Variants in MARCHF1 observed in about 807,000 individuals in gnomAD.
MARCHF1 encodes the protein membrane associated ring-CH-type finger 1.
A neutral mutation model predicts 54.2 loss-of-function variants in MARCHF1; 40 were observed. The ratio of observed to expected loss-of-function variants is 0.74; its 90% CI spans 0.57 to 0.96. MARCHF1 has a LOEUF of 0.96. MARCHF1 is among the 40% of genes least tolerant of loss of function. The pLI, the probability that MARCHF1 is intolerant of heterozygous loss-of-function variation, is 0.00. For synonymous variants in MARCHF1, 236 were observed against 236.3 expected (o/e 1.00, Z 0.01); for missense variants, 586 against 656.5 (o/e 0.89, Z 1.17).
At chr4:164,133,108 A>C (rs1004585063) in intron 1 of MARCHF1, among the ~76,000 whole-genome samples, 4 of 152,130 alleles carry the variant, frequency 2.6e-5, no homozygotes, top group Non-Finnish European at 4.4e-5. Context: ...AAATTATCTG[A>C]CTGGTGTATT....
intron 1 of MARCHF1, among the ~76,000 whole-genome samples, chr4:164,174,024 A>T (rs1257686074): frequency 6.6e-6 from 1 of 152,238 alleles, no homozygotes; most frequent in Admixed American, 6.5e-5. Context: ...GTCTCACACT[A>T]TAAGGTCAAC....
intron 1 of MARCHF1, among the ~76,000 whole-genome samples, chr4:164,353,786 G>A (rs1357912784): frequency 6.9e-5 from 9 of 131,062 alleles, no homozygotes; most frequent in African/African-American, 1.2e-4. Context: ...AGGAAATAGA[G>A]ACACAAAAAA....
At chr4:164,115,912 C>G (rs1248702913) in intron 1 of MARCHF1, among the ~76,000 whole-genome samples, 2 of 151,988 alleles carry the variant, frequency 1.3e-5, no homozygotes, top group African/African-American at 4.8e-5. Context: ...GTAGAAGGTA[C>G]ATAAAAGACA....
intron 1 of MARCHF1, among the ~76,000 whole-genome samples, chr4:164,199,202 T>G (rs1177737527): frequency 6.6e-6 from 1 of 152,220 alleles, no homozygotes; most frequent in East Asian, 1.9e-4. Flanking sequence ...TCTCAAATAG[T>G]TTCGTTCTGT....
intron 2 of MARCHF1, among the ~76,000 whole-genome samples, chr4:164,088,244 A>T (rs945323063): frequency 2.6e-5 from 4 of 152,280 alleles, no homozygotes; most frequent in African/African-American, 7.2e-5. Context: ...CAGAGGTATT[A>T]CTCTAATTTG....
At chr4:163,576,399 T>C (rs1455640344) in intron 8 of MARCHF1, among the ~76,000 whole-genome samples, 2 of 152,102 alleles carry the variant, frequency 1.3e-5, no homozygotes, top group Non-Finnish European at 2.9e-5. Flanking sequence ...CATGGTTCAA[T>C]AGTACGGTTG....
At position 164,130,994 on chromosome 4, in the gene MARCHF1, C is replaced by T. The variant is rs552408305; in HGVS notation, c.-322-19332G>A. Among the ~76,000 whole-genome samples, 53 of 152,176 alleles carry T rather than the reference C, an allele frequency of 3.5e-4. No homozygotes were observed. In the South Asian group the frequency reaches 0.011, roughly 31 times the overall value. On this transcript the variant is annotated intron_variant, in intron 1 of 9. Transcript: ENST00000514618. ...ATTTCTTTGTGATTTTGTAAAATAA[C>T]CTGACTCATTCCCCTCTTTGGGATT...
intron 4 of MARCHF1, among the ~76,000 whole-genome samples, chr4:163,726,174 C>T (rs1745647262): frequency 6.6e-6 from 1 of 152,138 alleles, no homozygotes; most frequent in South Asian, 2.1e-4. Flanking sequence ...GTTGTATATT[C>T]TACGGACTTT....
Position 164,302,868 on chromosome 4 carries a change from T to TAA in MARCHF1, c.-323+81000_-323+81001dup, listed in dbSNP as rs70952621. Among the ~76,000 whole-genome samples, 772 of 114,186 alleles carry TAA rather than the reference T, an allele frequency of 6.8e-3. 5 individuals are homozygous for TAA. Among genetic ancestry groups the TAA allele is most frequent in the East Asian group, 0.016 (59 of 3,646 alleles). The allele number at this position is 114,186 out of a possible 152,430, so 74.9% of individuals were successfully genotyped here. A position where few individuals can be genotyped will look rare whatever the true frequency, so the allele number is the denominator to read the frequency against. On this transcript the variant is annotated intron_variant, in intron 1 of 9. Transcript: ENST00000514618. ...TGGGTGACAGAGTGAGAGACTGTCT[T>TAA]AAAAAAAAAAAAAAAAAAAAAAGAT...
At chr4:164,171,964 C>T (rs1043228650) in intron 1 of MARCHF1, among the ~76,000 whole-genome samples, 1 of 152,156 alleles carries the variant, frequency 6.6e-6, no homozygotes, top group African/African-American at 2.4e-5. Context: ...TAGTTGAGCG[C>T]TGTCCTTCTG....
At chr4:163,723,066 T>G (rs181227118) in intron 4 of MARCHF1, among the ~76,000 whole-genome samples, 5 of 152,190 alleles carry the variant, frequency 3.3e-5, no homozygotes, top group African/African-American at 9.7e-5. Flanking sequence ...ATCCTGTCAT[T>G]ATGATGTTAG....
At chr4:164,175,467 G>C (rs968670386) in intron 1 of MARCHF1, among the ~76,000 whole-genome samples, 6 of 152,030 alleles carry the variant, frequency 3.9e-5, no homozygotes, top group African/African-American at 1.4e-4. Flanking sequence ...TCTATGATAA[G>C]ATTCCATTAT....
intron 4 of MARCHF1, among the ~76,000 whole-genome samples, chr4:163,753,765 C>A (rs1746590735): frequency 1.3e-5 from 2 of 152,110 alleles, no homozygotes; most frequent in African/African-American, 4.8e-5. Context: ...TTACAACACA[C>A]CAAGACTCTA....
At chr4:163,747,357 C>T (rs1158707904) in intron 4 of MARCHF1, among the ~76,000 whole-genome samples, 5 of 152,186 alleles carry the variant, frequency 3.3e-5, no homozygotes, top group African/African-American at 1.2e-4. Flanking sequence ...TAAATTTTCT[C>T]TGATGGAACT....
At chr4:163,671,574 G>A (rs1561010274) in intron 5 of MARCHF1, among the ~76,000 whole-genome samples, 2 of 152,130 alleles carry the variant, frequency 1.3e-5, no homozygotes, top group Non-Finnish European at 1.5e-5. Flanking sequence ...GTGATGGAGT[G>A]GGTCACATAA....
intron 9 of MARCHF1, among the ~76,000 whole-genome samples, chr4:163,540,741 G>C (rs1459008852): frequency 2.6e-5 from 4 of 152,198 alleles, no homozygotes; most frequent in Non-Finnish European, 4.4e-5. Context: ...AGATAACTAG[G>C]CTGGGTGCGG....
At chr4:163,568,892 G>GC (rs1739738957) in intron 8 of MARCHF1, among the ~76,000 whole-genome samples, 1 of 152,130 alleles carries the variant, frequency 6.6e-6, no homozygotes, top group African/African-American at 2.4e-5. Flanking sequence ...GTTGTTCAAG[G>GC]TTGCTCAGTG....
At chr4:164,040,491 T>A (rs1047437650) in intron 2 of MARCHF1, among the ~76,000 whole-genome samples, 2 of 149,166 alleles carry the variant, frequency 1.3e-5, no homozygotes, top group African/African-American at 2.4e-5. Flanking sequence ...AAATTATAGA[T>A]ATAAAAATAT....
At chr4:163,607,170 A>G (rs140889839) in intron 7 of MARCHF1, among the ~76,000 whole-genome samples, 157 of 152,232 alleles carry the variant, frequency 1.0e-3, no homozygotes, top group African/African-American at 3.7e-3. Context: ...TGTGGTTAAC[A>G]TACCCCTTTC....
Sources: allele counts gnomAD v4.1 joint callset (sites outside exome capture counted in the v4.1 genomes callset), GRCh38; gene constraint gnomAD v4.1.1; transcripts MANE v1.5; gene names NCBI Gene and HGNC (gene_info 2026-07-23, HGNC 2026-07-21).